The following NACC1 variants were observed in gnomAD, a reference collection of about 807,000 sequenced individuals.
NACC1 encodes the protein nucleus accumbens associated 1.
In NACC1, 6 loss-of-function variants were observed where a neutral mutation model predicts 41.7. The observed-to-expected ratio is 0.14, with a 90% CI of 0.08 to 0.28. The LOEUF (loss-of-function observed/expected upper bound fraction) is 0.28. NACC1 is among the 10% of genes least tolerant of loss of function. NACC1 has a pLI of 1.00. For missense variants in NACC1, 434 were observed against 763.7 expected (o/e 0.57, Z 5.09); for synonymous variants, 338 against 330.6 (o/e 1.02, Z -0.24).
rs1364371962 is a variant in NACC1 at position 13,136,985 on chromosome 19, C to T, written c.1121-286C>T. 2.0e-5 allele frequency among the ~76,000 whole-genome samples: 3 copies of T among 152,236 alleles called. No individual in the cohort carries two copies. Among genetic ancestry groups the T allele is most frequent in the Non-Finnish European group, 4.4e-5 (3 of 68,034 alleles). ...CTGGTGACAGCCAGCGTGCCCACCT[C>T]ACACAGGCTTGCGGCACGACTGGCC... On this transcript the variant is annotated intron_variant, in intron 3 of 5. Transcript: ENST00000292431. The surrounding 1 kb of genome is among the most constrained non-coding windows in gnomAD (Gnocchi z 5.5).
intron 1 of NACC1, among the ~76,000 whole-genome samples, chr19:13,129,802 C>G (rs1188551431): frequency 6.6e-6 from 1 of 152,078 alleles, no homozygotes; most frequent in Non-Finnish European, 1.5e-5. Context: ...ACCTGGGCCA[C>G]CTTCCCAACC....
At chr19:13,130,535 C>CTTTTTTTTTT (rs34032574) in intron 1 of NACC1, among the ~76,000 whole-genome samples, 1 of 128,620 alleles carries the variant, frequency 7.8e-6, no homozygotes, top group African/African-American at 2.9e-5. Flanking sequence ...TTTTTCTTTT[C>CTTTTTTTTTT]TTTTTTTTTT....
At chr19:13,126,048 CTTTTTTT>C (rs79360796) in intron 1 of NACC1, among the ~76,000 whole-genome samples, 1 of 141,030 alleles carries the variant, frequency 7.1e-6, no homozygotes, top group Admixed American at 7.1e-5. Flanking sequence ...AAAGGCCTAA[CTTTTTTT>C]TTTTTTTTAG....
At chr19:13,131,336 G>A (rs2019632271) in intron 1 of NACC1, among the ~76,000 whole-genome samples, 1 of 152,204 alleles carries the variant, frequency 6.6e-6, no homozygotes, top group South Asian at 2.1e-4. Context: ...TGGGGAATGA[G>A]CTTGGAGCAC....
rs780504447 is a variant in NACC1, at chr19:13,137,267, C to T, written c.1121-4C>T. The T allele has an allele frequency of 1.2e-6, 2 of 1,612,408 alleles. No individual in the cohort carries two copies. Among genetic ancestry groups the T allele is most frequent in the Non-Finnish European group, 1.7e-6 (2 of 1,179,420 alleles). On this transcript the variant is annotated splice_region_variant and splice_polypyrimidine_tract_variant and intron_variant, in intron 3 of 5. Transcript: ENST00000292431. The surrounding 1 kb of genome is among the most constrained non-coding windows in gnomAD (Gnocchi z 6.1). ...CAGGCCATCCTCCGGCTTCCTCTCA[C>T]CAGGCACCAACGTGTACATCACAAG... is the stretch of plus-strand genomic sequence containing the variant.
rs2019717131 is a variant in NACC1, at chr19:13,137,090, G to GGAGCCTCCCCTGACT, written c.1121-179_1121-165dup. ...ACTGATGAGGTTGGGGGAGCCCCAA[G>GGAGCCTCCCCTGACT]GAGCCTCCCCTGACTGCCCTTGGTG... On this transcript the variant is annotated intron_variant, in intron 3 of 5. Coordinates refer to ENST00000292431, the MANE Select transcript of NACC1 (RefSeq NM_052876.4). This position sits in a 1 kb window ranked among gnomAD's most constrained non-coding sequence, Gnocchi z 6.1. Among the ~76,000 whole-genome samples, 1 of 152,210 alleles carries GGAGCCTCCCCTGACT rather than the reference G, an allele frequency of 6.6e-6. No individual in the cohort carries two copies. The highest frequency in any genetic ancestry group is 2.1e-4 in the South Asian group (1 of 4,832).
In NACC1 at chr19:13,125,412, CTTTTTTT is replaced by C. The variant is rs760978944; in HGVS notation, c.-9+6974_-9+6980del. On this transcript the variant is annotated intron_variant, in intron 1 of 5. Coordinates refer to ENST00000292431, the MANE Select transcript of NACC1 (RefSeq NM_052876.4). ...ACTGAATCAACTCCCGAAGGCCCCA[CTTTTTTT>C]TTTTTTTTTTTTTTTGGTGAGACGG... is the stretch of plus-strand genomic sequence containing the variant. Among the ~76,000 whole-genome samples, 36 of 100,296 alleles carry C rather than the reference CTTTTTTT, an allele frequency of 3.6e-4. 1 individual carries two copies. The highest frequency in any genetic ancestry group is 5.6e-4 in the Admixed American group (5 of 8,938). 65.8% of individuals were successfully genotyped at this position (100,296 alleles called of 152,430 possible).
chr19:13,127,660 C>T (rs1221121057), intron 1 of NACC1, among the ~76,000 whole-genome samples: 1 of 148,100 alleles, frequency 6.8e-6, no homozygotes, highest in Admixed American at 6.8e-5. Flanking sequence ...CCAGCCTGGG[C>T]GACAGAGCGA....
rs1397454432 is a variant in NACC1 at position 13,136,478 on chromosome 19, C to T, written c.1120+73C>T. The T allele has an allele frequency of 6.6e-7, 1 of 1,509,206 alleles. No homozygotes were observed. The highest frequency in any genetic ancestry group is 8.9e-7 in the Non-Finnish European group (1 of 1,125,430). The allele number at this position is 1,509,206 out of a possible 1,614,324, so 93.5% of individuals were successfully genotyped here. ...GGCTGGCCTGGGCTGGGCTGGGCAG[C>T]TGGTTAGGAGCCCCCAGCACCTCAG... On this transcript the variant is annotated intron_variant, in intron 3 of 5. Coordinates refer to ENST00000292431, the MANE Select transcript of NACC1 (RefSeq NM_052876.4). This position sits in a 1 kb window ranked among gnomAD's most constrained non-coding sequence, Gnocchi z 5.5.
intron 1 of NACC1, among the ~76,000 whole-genome samples, chr19:13,127,934 G>A (rs901405156): frequency 6.6e-6 from 1 of 152,126 alleles, no homozygotes; most frequent in African/African-American, 2.4e-5. Context: ...TAGTAGGTCC[G>A]AGAGCAAGCA....
chr19:13,118,790 C>CGGAGGGGGAGGG (rs969925127), intron 1 of NACC1, among the ~76,000 whole-genome samples: 1 of 98,096 alleles, frequency 1.0e-5, no homozygotes, highest in East Asian at 3.5e-4. Flanking sequence ...TCGTGGATGC[C>CGGAGGGGGAGGG]GGAGGGGGAG....
chr19:13,128,552 A>G (rs942447833), intron 1 of NACC1, among the ~76,000 whole-genome samples: 2 of 152,234 alleles, frequency 1.3e-5, no homozygotes, highest in African/African-American at 4.8e-5. Flanking sequence ...GACTGAGCCC[A>G]GTCCCCTGGA....
chr19:13,120,955 C>G (rs970175334), intron 1 of NACC1, among the ~76,000 whole-genome samples: 1 of 152,244 alleles, frequency 6.6e-6, no homozygotes, highest in African/African-American at 2.4e-5. Context: ...CTGCTGGGTG[C>G]TGACTCCCCG....
chr19:13,131,632 C>G (rs1414657242), intron 1 of NACC1: 1 of 152,250 alleles, frequency 6.6e-6, no homozygotes, highest in African/African-American at 2.4e-5. Flanking sequence ...TAGATCCAGC[C>G]TCCACCCTCT....
Position 13,138,229 on chromosome 19 carries a change from C to A in NACC1, c.1407C>A (p.Arg469=), listed in dbSNP as rs751296122. The A allele has an allele frequency of 6.2e-7, 1 of 1,614,236 alleles. No individual in the cohort carries two copies. The highest frequency in any genetic ancestry group is 1.1e-5 in the South Asian group (1 of 91,090). The change falls in exon 6 of 6, where the codon CGC becomes CGA. Residue 469 remains arginine, a synonymous_variant. Coordinates refer to ENST00000292431, the MANE Select transcript of NACC1 (RefSeq NM_052876.4). The surrounding 1 kb of genome is among the most constrained non-coding windows in gnomAD (Gnocchi z 5.7). ...CCGACATGTGCACCAACGCCCGCCG[C>A]GTCGTGCGCAAGAGCTGGATGCCCA... ...IAADMCTNAR[R]VVRKSWMPKV...
rs767833951 is a variant in NACC1 at position 13,135,748 on chromosome 19, G to A, written c.541G>A (p.Val181Met). 176 of 1,559,456 alleles carry A rather than the reference G, an allele frequency of 1.1e-4. No homozygotes were observed. Among genetic ancestry groups the A allele is most frequent in the Non-Finnish European group, 1.5e-4 (169 of 1,153,808 alleles). Residue 181 changes from valine (V) to methionine (M), a missense_variant, in exon 2 of 6, where the codon GTG becomes ATG. By Grantham distance (21) the Val-to-Met change is conservative. Transcript: ENST00000292431. ...QESDSVQCMP[V>M]AKRLWDSGQK... Reference sequence around the variant, plus strand: ...GTCGGACTCCGTGCAGTGCATGCCCGTGGCCAAGCGGCTGTGGGACAGTGG... The same window carrying A: ...GTCGGACTCCGTGCAGTGCATGCCCATGGCCAAGCGGCTGTGGGACAGTGG...
At chr19:13,119,889 TC>T (rs1480671426) in intron 1 of NACC1, among the ~76,000 whole-genome samples, 1 of 152,046 alleles carries the variant, frequency 6.6e-6, no homozygotes, top group Non-Finnish European at 1.5e-5. Context: ...TTCTCTGGGG[TC>T]CAGACGAGGA....
intron 1 of NACC1, among the ~76,000 whole-genome samples, chr19:13,123,718 C>T (rs1456274789): frequency 6.6e-6 from 1 of 152,166 alleles, no homozygotes; most frequent in East Asian, 1.9e-4. Context: ...CCGGGGTTCC[C>T]GTCTGGTCTC....
rs1287061133 is a variant in NACC1 at position 13,138,621 on chromosome 19, T to A, written c.*215T>A. 3.1e-6 allele frequency: 2 copies of A among 645,178 alleles called. No individual in the cohort carries two copies. The highest frequency in any genetic ancestry group is 5.3e-6 in the Non-Finnish European group (2 of 380,622). The allele number at this position is 645,178 out of a possible 1,614,324, so 40.0% of individuals were successfully genotyped here. On this transcript the variant is annotated 3_prime_UTR_variant, in exon 6 of 6. Coordinates refer to ENST00000292431, the MANE Select transcript of NACC1 (RefSeq NM_052876.4). The surrounding 1 kb of genome is among the most constrained non-coding windows in gnomAD (Gnocchi z 5.7). ...AGGTGGCGTGAGGTCCGTGTTGCCT[T>A]CTTTAACACACACTCGTGCAGTGGG...
Sources: gnomAD v4.1 joint callset for allele counts (sites outside exome capture counted in the v4.1 genomes callset) on GRCh38, gnomAD v4.1.1 for gene constraint, Gnocchi (gnomAD v3.1) non-coding constraint, MANE v1.5 for transcripts, NCBI Gene and HGNC (gene_info 2026-07-23, HGNC 2026-07-21) for gene names.